The following ARID1B variants were observed in gnomAD, a reference collection of about 807,000 sequenced individuals.
ARID1B encodes AT-rich interaction domain 1B, also known as AT-rich interactive domain-containing protein 1B.
ARID1B carries 30 observed loss-of-function variants against 212.3 expected under a neutral mutation model. That is an observed-to-expected ratio of 0.14 (90% CI 0.11 to 0.19). The LOEUF (loss-of-function observed/expected upper bound fraction) is 0.19, where lower values mean the gene tolerates loss of function less well. ARID1B is among the 10% of genes least tolerant of loss of function. The probability of loss-of-function intolerance (pLI) is 1.00; values close to 1 mark genes in which losing one functional copy is unlikely to be tolerated. For synonymous variants in ARID1B, 1,402 were observed against 1,301.7 expected (o/e 1.08, Z -1.66); for missense variants, 2,891 against 3,204.0 (o/e 0.90, Z 2.36).
chr6:156,873,145 A>G (rs965772973), intron 2 of ARID1B, among the ~76,000 whole-genome samples: 4 of 152,218 alleles, frequency 2.6e-5, no homozygotes, highest in African/African-American at 9.6e-5. Context: ...GGCACCTTGC[A>G]TGATGCCTGA....
In ARID1B at chr6:157,201,047, A is replaced by G; in HGVS notation, c.4822A>G (p.Thr1608Ala). 6 of 1,613,958 alleles carry G rather than the reference A, an allele frequency of 3.7e-6. No individual in the cohort carries two copies. Among genetic ancestry groups the G allele is most frequent in the Non-Finnish European group, 5.1e-6 (6 of 1,179,860 alleles). Residue 1608 changes from threonine to alanine, a missense_variant, in exon 18 of 20, where the codon ACA (threonine) becomes GCA (alanine). Thr to Ala is a moderately conservative substitution (Grantham distance 58). Coordinates refer to ENST00000636930, the MANE Select transcript of ARID1B (RefSeq NM_001374828.1). This position sits in a 1 kb window ranked among gnomAD's most constrained non-coding sequence, Gnocchi z 5.2. The stretch of plus-strand genomic sequence containing the variant: ...GAACAGGCAGGGCCCTGGCGGCCCT[A>G]CACAGGCGCCCCCTTACCCAGGCAT... The part of the protein sequence containing the change: ...YQNRQGPGGP[T>A]QAPPYPGMNR...
intron 7 of ARID1B, among the ~76,000 whole-genome samples, chr6:157,138,944 A>G (rs1460674582): frequency 6.6e-6 from 1 of 152,228 alleles, no homozygotes; most frequent in Admixed American, 6.5e-5. Context: ...AACGTAATCA[A>G]GTCTTCTTGT....
upstream of ARID1B, chr6:156,777,181 C>A: frequency 6.6e-6 from 1 of 151,414 alleles, no homozygotes; most frequent in South Asian, 1.8e-4. Flanking sequence ...CCCACGCCGC[C>A]GCGCTCCGAG....
intron 2 of ARID1B, among the ~76,000 whole-genome samples, chr6:156,860,078 A>G (rs555177099): frequency 1.3e-5 from 2 of 152,376 alleles, no homozygotes; most frequent in Admixed American, 6.5e-5. Context: ...GGATAAGTCC[A>G]TTGCATAAAT....
intron 4 of ARID1B, among the ~76,000 whole-genome samples, chr6:156,944,808 G>A (rs932407070): frequency 1.2e-4 from 19 of 152,104 alleles, no homozygotes; most frequent in Non-Finnish European, 2.5e-4. Flanking sequence ...GGAAGTAGTA[G>A]CAACCCAGAG....
intron 4 of ARID1B, among the ~76,000 whole-genome samples, chr6:157,003,892 G>T (rs1244224464): frequency 6.6e-6 from 1 of 151,936 alleles, no homozygotes; most frequent in Non-Finnish European, 1.5e-5. Context: ...TTGGCCGAGA[G>T]TTCAAGGCGA....
intron 4 of ARID1B, among the ~76,000 whole-genome samples, chr6:157,042,060 CACAG>C (rs946106456): frequency 4.6e-5 from 7 of 152,334 alleles, no homozygotes; most frequent in Non-Finnish European, 7.3e-5. Context: ...TCTTCCTCTT[CACAG>C]ACAGGCAGTA....
intron 1 of ARID1B, chr6:156,780,188 CG>C (rs1283702646): frequency 2.0e-4 from 30 of 152,304 alleles, no homozygotes; most frequent in Admixed American, 1.6e-3. Context: ...ATTGGGCTTA[CG>C]GGCTGCTTGC....
intron 4 of ARID1B, among the ~76,000 whole-genome samples, chr6:157,032,239 A>G (rs2128497320): frequency 6.6e-6 from 1 of 152,358 alleles, no homozygotes; most frequent in Non-Finnish European, 1.5e-5. Context: ...TTACATTAAC[A>G]CAGTTATGAG....
chr6:156,838,940 T>G (rs1783707832), intron 2 of ARID1B, among the ~76,000 whole-genome samples: 1 of 152,090 alleles, frequency 6.6e-6, no homozygotes, highest in Non-Finnish European at 1.5e-5. Context: ...AGATTTCCAG[T>G]AGGATCTTCA....
intron 2 of ARID1B, among the ~76,000 whole-genome samples, chr6:156,866,175 G>T (rs549208464): frequency 6.6e-6 from 1 of 152,296 alleles, no homozygotes; most frequent in Non-Finnish European, 1.5e-5. Flanking sequence ...TGTTGGCAAG[G>T]TTGATTGTGC....
intron 8 of ARID1B, among the ~76,000 whole-genome samples, chr6:157,159,899 C>G (rs191472405): frequency 2.8e-4 from 43 of 152,336 alleles, no homozygotes; most frequent in African/African-American, 9.4e-4. Flanking sequence ...TGTTCCTTTA[C>G]TTAGAAGTTC....
intron 2 of ARID1B, among the ~76,000 whole-genome samples, chr6:156,885,466 A>G (rs1787428513): frequency 1.3e-5 from 2 of 152,146 alleles, no homozygotes; most frequent in Admixed American, 1.3e-4. Flanking sequence ...TTTTGCTGAA[A>G]ATTCTACCTT....
At chr6:156,884,204 GTTTC>G (rs1218531225) in intron 2 of ARID1B, among the ~76,000 whole-genome samples, 5 of 152,048 alleles carry the variant, frequency 3.3e-5, no homozygotes, top group Non-Finnish European at 7.4e-5. Context: ...CATAAAATAT[GTTTC>G]TTCCTCCGAG....
intron 4 of ARID1B, among the ~76,000 whole-genome samples, chr6:157,040,096 C>G (rs567628994): frequency 6.6e-6 from 1 of 152,070 alleles, no homozygotes; most frequent in African/African-American, 2.4e-5. Context: ...ACTACAGGCG[C>G]GTGCCACTAA....
intron 2 of ARID1B, among the ~76,000 whole-genome samples, chr6:156,859,635 G>A (rs1028745150): frequency 2.0e-5 from 3 of 152,222 alleles, no homozygotes; most frequent in African/African-American, 7.2e-5. Context: ...TTTATACAGA[G>A]CAATGCTTAT....
chr6:156,962,672 A>G (rs764327674), intron 4 of ARID1B, among the ~76,000 whole-genome samples: 1 of 151,936 alleles, frequency 6.6e-6, no homozygotes, highest in Non-Finnish European at 1.5e-5. Flanking sequence ...TTTAGTAGAG[A>G]TGGATCTTCC....
intron 4 of ARID1B, among the ~76,000 whole-genome samples, chr6:157,029,878 A>T (rs375543331): frequency 2.9e-4 from 44 of 152,174 alleles, no homozygotes; most frequent in African/African-American, 1.0e-3. Context: ...CGAAGGTTTT[A>T]AGGAGGGAGT....
At chr6:157,140,165 T>C (rs1038733744) in intron 7 of ARID1B, among the ~76,000 whole-genome samples, 3 of 152,192 alleles carry the variant, frequency 2.0e-5, no homozygotes, top group Non-Finnish European at 4.4e-5. Context: ...TCACTAATTA[T>C]AAAGTTATTA....
Sources: allele counts gnomAD v4.1 joint callset (sites outside exome capture counted in the v4.1 genomes callset), GRCh38; gene constraint gnomAD v4.1.1; non-coding constraint Gnocchi (gnomAD v3.1); transcripts MANE v1.5; gene names NCBI Gene and HGNC (gene_info 2026-07-23, HGNC 2026-07-21).